Variants in CYTIP observed in about 807,000 individuals in gnomAD.
CYTIP encodes cytohesin 1 interacting protein.
CYTIP carries 26 observed loss-of-function variants against 43.8 expected under a neutral mutation model. The ratio of observed to expected loss-of-function variants is 0.59; its 90% CI spans 0.44 to 0.82. CYTIP has a LOEUF of 0.82. CYTIP is among the 40% of genes least tolerant of loss of function. CYTIP has a pLI of 0.00. For synonymous variants in CYTIP, 162 were observed against 162.9 expected, an observed-to-expected ratio of 0.99 and a Z score of 0.04; for missense variants, 426 against 443.1, an observed-to-expected ratio of 0.96 and a Z score of 0.35.
chr2:157,426,686 T>A (rs1319477818), intron 6 of CYTIP, among the ~76,000 whole-genome samples: 1 of 151,496 alleles, frequency 6.6e-6, no homozygotes, highest in East Asian at 1.9e-4. Context: ...AACAGAGAGG[T>A]CTTTAGAACT....
intron 1 of CYTIP, chr2:157,439,053 T>G (rs1442790780): frequency 4.3e-6 from 1 of 231,502 alleles, no homozygotes; most frequent in Non-Finnish European, 1.0e-5. Flanking sequence ...CTTCTAACCT[T>G]TCTATCTAGC....
intron 3 of CYTIP, among the ~76,000 whole-genome samples, chr2:157,432,121 G>A (rs1420135409): frequency 6.6e-6 from 1 of 152,102 alleles, no homozygotes; most frequent in Non-Finnish European, 1.5e-5. Context: ...TGTGGTACAT[G>A]AATAAAATAT....
intron 7 of CYTIP, 109 bp downstream of exon 7, chr2:157,418,414 G>T: frequency 1.8e-6 from 2 of 1,087,602 alleles, no homozygotes; most frequent in South Asian, 3.1e-5. Context: ...TCCTTGACCA[G>T]CACTAGACAA....
chr2:157,435,928 A>C (rs748690094), intron 1 of CYTIP, among the ~76,000 whole-genome samples: 40 of 152,358 alleles, frequency 2.6e-4, no homozygotes, highest in Non-Finnish European at 5.7e-4. Flanking sequence ...AGTGAAGCCT[A>C]CATCACTGTA....
chr2:157,440,280 A>G (rs1439327284), intron 1 of CYTIP, among the ~76,000 whole-genome samples: 3 of 152,178 alleles, frequency 2.0e-5, no homozygotes, highest in Non-Finnish European at 4.4e-5. Flanking sequence ...TCAAAGATGC[A>G]ACAAAATAAT....
Position 157,415,540 on chromosome 2 carries a change from A to G in CYTIP, c.*137T>C, listed in dbSNP as rs1236606348. Reference sequence around the variant, plus strand: ...AAGAAGCATAAACTATAACACAACAATTTAAATAAAGGTCACTATTGCTGT... The same window carrying G: ...AAGAAGCATAAACTATAACACAACAGTTTAAATAAAGGTCACTATTGCTGT... On this transcript the variant is annotated 3_prime_UTR_variant, in exon 8 of 8. Transcript: ENST00000264192. 6.3e-6 allele frequency: 4 copies of G among 639,640 alleles called. No individual in the cohort carries two copies. Among genetic ancestry groups the G allele is most frequent in the East Asian group, 2.8e-5 (1 of 36,342 alleles). The allele number at this position is 639,640 out of a possible 1,614,324, so 39.6% of individuals were successfully genotyped here.
intron 7 of CYTIP, among the ~76,000 whole-genome samples, chr2:157,416,980 TGAGAGA>T (rs377170102): frequency 8.8e-5 from 13 of 147,246 alleles, no homozygotes; most frequent in African/African-American, 3.2e-4. Flanking sequence ...TGTGTGTGTG[TGAGAGA>T]GAGAGAGAGA....
chr2:157,419,838 A>G (rs969227380), intron 6 of CYTIP, among the ~76,000 whole-genome samples: 2 of 152,246 alleles, frequency 1.3e-5, no homozygotes, highest in African/African-American at 4.8e-5. Context: ...ACGTCATTAA[A>G]TGCTTAAGAG....
chr2:157,416,043 A>G lies in CYTIP; in HGVS notation c.714T>C (p.Asn238=). 1.2e-6 allele frequency: 2 copies of G among 1,614,214 alleles called. No homozygotes were observed. Among genetic ancestry groups the G allele is most frequent in the Non-Finnish European group, 1.7e-6 (2 of 1,180,028 alleles). ...PGPGPALVDR[N]RLSSESSCKS... ...TACAGCTGCTCTCACTGGATAATCGATTCCGGTCCACAAGGGCTGGGCCTG... is the reference window on the plus strand; with the variant it reads ...TACAGCTGCTCTCACTGGATAATCGGTTCCGGTCCACAAGGGCTGGGCCTG... Residue 238 remains asparagine (N), a synonymous_variant, in exon 8 of 8, where the codon AAT becomes AAC. Transcript: ENST00000264192.
chr2:157,426,724 G>A (rs1685613697), intron 6 of CYTIP, among the ~76,000 whole-genome samples: 1 of 152,086 alleles, frequency 6.6e-6, no homozygotes, highest in Non-Finnish European at 1.5e-5. Context: ...GTGAGGGTCT[G>A]GACTTCATGG....
At chr2:157,436,475 C>G (rs1685808335) in intron 1 of CYTIP, among the ~76,000 whole-genome samples, 1 of 151,874 alleles carries the variant, frequency 6.6e-6, no homozygotes, top group African/African-American at 2.4e-5. Flanking sequence ...CTTTTTTATT[C>G]TTTTTATAAA....
intron 1 of CYTIP, 151 bp from the exon 2 acceptor site, chr2:157,434,898 C>CAA (rs1685788467): frequency 1.3e-5 from 5 of 388,002 alleles, no homozygotes; most frequent in African/African-American, 6.9e-5. Context: ...CACACACACA[C>CAA]AACCTGTTCT....
At chr2:157,416,628 A>G (rs1685443836) in intron 7 of CYTIP, among the ~76,000 whole-genome samples, 1 of 152,244 alleles carries the variant, frequency 6.6e-6, no homozygotes, top group South Asian at 2.1e-4. Flanking sequence ...TAAAATTATT[A>G]TAAAACCATT....
chr2:157,437,039 A>C (rs941409107), intron 1 of CYTIP, among the ~76,000 whole-genome samples: 3 of 152,162 alleles, frequency 2.0e-5, no homozygotes, highest in Non-Finnish European at 4.4e-5. Context: ...CATACCTCTC[A>C]CTCTATACAG....
chr2:157,434,413 G>GT lies in CYTIP; in HGVS notation c.235dup (p.Thr79AsnfsTer7), dbSNP rs745517218. ...TGTTTCATTATCCTGCTTCTCCACA[G>GT]TAACAAGCTTTCTGTAATAAAAATG... On this transcript the variant is annotated frameshift_variant, in exon 3 of 8. Coordinates refer to ENST00000264192, the MANE Select transcript of CYTIP (RefSeq NM_004288.5). LOFTEE classifies it high-confidence loss of function. The GT allele has an allele frequency of 6.2e-7, 1 of 1,611,450 alleles. No individual in the cohort carries two copies. The highest frequency in any genetic ancestry group is 1.3e-5 in the African/African-American group (1 of 74,710).
rs1436697781 is a variant in CYTIP, at chr2:157,414,992, A to G, written c.*685T>C. The G allele has an allele frequency of 6.6e-6, 1 of 152,226 alleles. No individual in the cohort carries two copies. Among genetic ancestry groups the G allele is most frequent in the African/African-American group, 2.4e-5 (1 of 41,456 alleles). The allele number at this position is 152,226 out of a possible 1,614,324, so 9.4% of individuals were successfully genotyped here. On this transcript the variant is annotated 3_prime_UTR_variant, in exon 8 of 8. Coordinates refer to ENST00000264192, the MANE Select transcript of CYTIP (RefSeq NM_004288.5). The stretch of plus-strand genomic sequence containing the variant: ...AGGCAGAACAAAAGCTGAATTGGGC[A>G]AAAAACACGACATCCCCACCCATTT...
chr2:157,436,262 G>A (rs1295333603), intron 1 of CYTIP, among the ~76,000 whole-genome samples: 1 of 152,112 alleles, frequency 6.6e-6, no homozygotes, highest in Non-Finnish European at 1.5e-5. Context: ...ACCTGATTTT[G>A]TACCTCGTAT....
Position 157,415,827 on chromosome 2 carries a change from G to A in CYTIP, c.930C>T (p.Ser310=), listed in dbSNP as rs1472328125. 9.9e-6 allele frequency: 16 copies of A among 1,614,068 alleles called. No homozygotes were observed. Among genetic ancestry groups the A allele is most frequent in the South Asian group, 2.2e-5 (2 of 91,088 alleles). The change falls in exon 8 of 8, where the codon AGC becomes AGT. Residue 310 remains serine, a synonymous_variant. Transcript: ENST00000264192. ...RRNRSISNTS[S]GSMSPLWEGN... ...CCTCCCACAAGGGAGACATGGATCC[G>A]CTGCTGGTGTTACTGATGCTCCGGT... is the stretch of plus-strand genomic sequence containing the variant.
intron 6 of CYTIP, 71 bp downstream of exon 6, chr2:157,427,280 A>G: frequency 7.6e-7 from 1 of 1,307,898 alleles, no homozygotes; most frequent in Non-Finnish European, 1.1e-6. Context: ...CAGTTCCTCA[A>G]ATAGATCTTT....
Sources: allele counts gnomAD v4.1 joint callset (sites outside exome capture counted in the v4.1 genomes callset), GRCh38; gene constraint gnomAD v4.1.1; transcripts MANE v1.5; gene names NCBI Gene and HGNC (gene_info 2026-07-23, HGNC 2026-07-21).